Variants in SLC4A10 observed in about 807,000 individuals in gnomAD.
SLC4A10 encodes sodium-driven chloride bicarbonate exchanger.
SLC4A10 carries 42 observed loss-of-function variants against 137.7 expected under a neutral mutation model. The ratio of observed to expected loss-of-function variants is 0.30; its 90% CI spans 0.24 to 0.39. The LOEUF is 0.39. SLC4A10 is among the 10% of genes least tolerant of loss of function. SLC4A10 has a pLI of 1.00. For synonymous variants in SLC4A10, 474 were observed against 464.1 expected, an observed-to-expected ratio of 1.02 and a Z score of -0.27; for missense variants, 925 against 1,355.0, an observed-to-expected ratio of 0.68 and a Z score of 4.98.
In SLC4A10 at chr2:161,655,886, G is replaced by A. The variant is rs552517984; in HGVS notation, c.48+31320G>A. ...CTGGAGTGCAGTGTATGATCTCGGG[G>A]CAGTGCAATCTCTGTCTCCCTGGTT... is the stretch of plus-strand genomic sequence containing the variant. On this transcript the variant is annotated intron_variant, in intron 1 of 26. Coordinates refer to ENST00000446997, the MANE Select transcript of SLC4A10 (RefSeq NM_001178015.2). Among the ~76,000 whole-genome samples, 531 of 150,042 alleles carry A rather than the reference G, an allele frequency of 3.5e-3. 2 individuals carry two copies. The highest frequency in any genetic ancestry group is 0.012 in the African/African-American group (489 of 40,546).
At chr2:161,630,502 C>T (rs2033333181) in intron 1 of SLC4A10, among the ~76,000 whole-genome samples, 1 of 151,586 alleles carries the variant, frequency 6.6e-6, no homozygotes, top group East Asian at 1.9e-4. Flanking sequence ...TAGACTGGCT[C>T]CTTAATTTAC....
chr2:161,660,657 TTTCC>T (rs764394949), intron 1 of SLC4A10, among the ~76,000 whole-genome samples: 7,026 of 144,216 alleles, frequency 0.049, 349 homozygotes, highest in East Asian at 0.064. Context: ...TCTTTCTTTC[TTTCC>T]TTTTTTTTTT....
At chr2:161,797,912 T>A (rs1467831833) in intron 2 of SLC4A10, among the ~76,000 whole-genome samples, 1 of 152,080 alleles carries the variant, frequency 6.6e-6, no homozygotes, top group Non-Finnish European at 1.5e-5. Flanking sequence ...TCTAGAATAG[T>A]CATAGTCATG....
At chr2:161,628,015 T>C (rs972258107) in intron 1 of SLC4A10, among the ~76,000 whole-genome samples, 1 of 152,134 alleles carries the variant, frequency 6.6e-6, no homozygotes, top group Non-Finnish European at 1.5e-5. Context: ...CTTTTTGATA[T>C]GGATATATAT....
At chr2:161,807,642 G>A (rs2056131420) in intron 3 of SLC4A10, among the ~76,000 whole-genome samples, 1 of 152,112 alleles carries the variant, frequency 6.6e-6, no homozygotes, top group Admixed American at 6.6e-5. Flanking sequence ...AGCATTACTA[G>A]TATTCCATTT....
intron 10 of SLC4A10, among the ~76,000 whole-genome samples, chr2:161,890,308 T>G (rs1186324735): frequency 6.6e-6 from 1 of 152,176 alleles, no homozygotes; most frequent in Non-Finnish European, 1.5e-5. Context: ...TTAGATCTGC[T>G]TGGTCCAGAG....
At chr2:161,837,140 A>C (rs1382830064) in intron 3 of SLC4A10, among the ~76,000 whole-genome samples, 1 of 152,182 alleles carries the variant, frequency 6.6e-6, no homozygotes, top group East Asian at 1.9e-4. Flanking sequence ...TAAATAGAGA[A>C]AGAGCTTGGA....
chr2:161,824,541 A>C (rs2057884052), intron 3 of SLC4A10, among the ~76,000 whole-genome samples: 1 of 152,232 alleles, frequency 6.6e-6, no homozygotes, highest in Non-Finnish European at 1.5e-5. Context: ...ACTCAACAGC[A>C]AACAGAAACC....
chr2:161,917,722 G>A (rs549125794), intron 15 of SLC4A10, among the ~76,000 whole-genome samples: 1 of 152,246 alleles, frequency 6.6e-6, no homozygotes, highest in African/African-American at 2.4e-5. Flanking sequence ...CTGGTGTGTA[G>A]CGGTATTTTT....
At chr2:161,845,650 G>T (rs375062733) in intron 4 of SLC4A10, among the ~76,000 whole-genome samples, 1 of 151,904 alleles carries the variant, frequency 6.6e-6, no homozygotes, top group Non-Finnish European at 1.5e-5. Flanking sequence ...TCACTGGAAC[G>T]GAATAGAGAA....
intron 1 of SLC4A10, among the ~76,000 whole-genome samples, chr2:161,632,260 C>A (rs932437825): frequency 6.6e-6 from 1 of 151,640 alleles, no homozygotes; most frequent in Non-Finnish European, 1.5e-5. Context: ...CAAAACATAG[C>A]TCTGCTTAGG....
chr2:161,957,364 T>G, intron 20 of SLC4A10, 124 bp downstream of exon 20: 1 of 1,130,992 alleles, frequency 8.8e-7, no homozygotes, highest in Admixed American at 2.8e-5. Flanking sequence ...GTGATGAATT[T>G]CTGAACCATG....
intron 4 of SLC4A10, among the ~76,000 whole-genome samples, chr2:161,853,709 T>A (rs540612044): frequency 0.039 from 5,959 of 152,320 alleles, 152 homozygotes; most frequent in Middle Eastern, 0.065. Flanking sequence ...TGTTGGTGAT[T>A]TGTGGCTTAA....
intron 1 of SLC4A10, among the ~76,000 whole-genome samples, chr2:161,717,279 C>T (rs1042020364): frequency 1.3e-5 from 2 of 152,100 alleles, no homozygotes; most frequent in African/African-American, 4.8e-5. Flanking sequence ...TTTGAATACG[C>T]TTTATTTATT....
At chr2:161,745,773 A>C (rs1388931817) in intron 1 of SLC4A10, among the ~76,000 whole-genome samples, 2 of 152,150 alleles carry the variant, frequency 1.3e-5, no homozygotes, top group African/African-American at 4.8e-5. Flanking sequence ...TGCTGTAGCC[A>C]TATCTGCATT....
intron 1 of SLC4A10, among the ~76,000 whole-genome samples, chr2:161,765,044 A>G (rs1220846354): frequency 6.6e-6 from 1 of 152,112 alleles, no homozygotes; most frequent in East Asian, 1.9e-4. Context: ...GTGCTTTTCA[A>G]CTTGCAAGTG....
intron 1 of SLC4A10, among the ~76,000 whole-genome samples, chr2:161,630,316 G>T (rs980313004): frequency 2.6e-4 from 39 of 151,864 alleles, no homozygotes; most frequent in African/African-American, 8.4e-4. Flanking sequence ...TCTTTGTTTG[G>T]TTTTGGTATT....
rs2054072501 is a variant in SLC4A10, at chr2:161,790,417, T to G, written c.131-14032T>G. Among the ~76,000 whole-genome samples, 4 of 152,206 alleles carry G rather than the reference T, an allele frequency of 2.6e-5. No homozygotes were observed. In the South Asian group the frequency reaches 8.3e-4, roughly 31 times the overall value. On this transcript the variant is annotated intron_variant, in intron 2 of 26. Coordinates refer to ENST00000446997, the MANE Select transcript of SLC4A10 (RefSeq NM_001178015.2). Reference sequence around the variant, plus strand: ...TTTCTTTGAAAAAGAACCATTTATTTCTGGTATTATTAGTTGATTAATTTT... The same window carrying G: ...TTTCTTTGAAAAAGAACCATTTATTGCTGGTATTATTAGTTGATTAATTTT...
intron 1 of SLC4A10, among the ~76,000 whole-genome samples, chr2:161,722,784 C>T (rs1461196265): frequency 6.6e-6 from 1 of 152,214 alleles, no homozygotes; most frequent in Non-Finnish European, 1.5e-5. Flanking sequence ...AGACTAAGTC[C>T]ACTGAACCCA....
Sources: gnomAD v4.1 joint callset for allele counts (sites outside exome capture counted in the v4.1 genomes callset) on GRCh38, gnomAD v4.1.1 for gene constraint, MANE v1.5 for transcripts, NCBI Gene and HGNC (gene_info 2026-07-23, HGNC 2026-07-21) for gene names.